CEP63: variants seen among roughly 807,000 people sequenced by gnomAD.
CEP63 encodes centrosomal protein of 63 kDa.
A neutral mutation model predicts 89.1 loss-of-function variants in CEP63; 84 were observed. That is an observed-to-expected ratio of 0.94 (90% CI 0.79 to 1.13). The LOEUF (loss-of-function observed/expected upper bound fraction) is 1.13. Ranked by LOEUF, CEP63 falls within the 50% of genes most tolerant of loss-of-function variation. The pLI, the probability that CEP63 is intolerant of heterozygous loss-of-function variation, is 0.00. For synonymous variants in CEP63, 267 were observed against 272.5 expected (o/e 0.98, Z 0.20); for missense variants, 838 against 813.3 (o/e 1.03, Z -0.37).
Position 134,559,144 on chromosome 3 carries a change from A to T in CEP63, c.1674-6A>T. 6.2e-7 allele frequency: 1 copy of T among 1,613,826 alleles called. No individual in the cohort carries two copies. The highest frequency in any genetic ancestry group is 8.5e-7 in the Non-Finnish European group (1 of 1,179,918). On this transcript the variant is annotated splice_region_variant and splice_polypyrimidine_tract_variant and intron_variant, in intron 13 of 14. Coordinates refer to ENST00000675561, the MANE Select transcript of CEP63 (RefSeq NM_001353108.3). Reference sequence around the variant, plus strand: ...TATTTGTTTTGTTTTCTAATCTACCATCCAGGCCAACCCATGGCCAGCACA... The same window carrying T: ...TATTTGTTTTGTTTTCTAATCTACCTTCCAGGCCAACCCATGGCCAGCACA...
At chr3:134,694,854 C>T in the CEP63 span, among the ~76,000 whole-genome samples, 745 of 152,270 alleles carry the variant, frequency 4.9e-3, 4 homozygotes, top group African/African-American at 0.017. Flanking sequence ...GGTTTGGTTG[C>T]CACAGATAGA....
At chr3:134,698,419 T>C in the CEP63 span, among the ~76,000 whole-genome samples, 6 of 152,290 alleles carry the variant, frequency 3.9e-5, no homozygotes, top group Middle Eastern at 6.8e-3. Context: ...GGGGGCGGGA[T>C]GTGAGCAAAA....
the CEP63 span, among the ~76,000 whole-genome samples, chr3:134,773,625 A>G: frequency 1.3e-5 from 2 of 152,106 alleles, no homozygotes; most frequent in Non-Finnish European, 2.9e-5. Context: ...CATTTCTCCA[A>G]CCTCATGTCT....
chr3:134,607,054 G>T, the CEP63 span: 3 of 985,044 alleles, frequency 3.0e-6, no homozygotes, highest in African/African-American at 1.7e-5. Context: ...AAGGAATCTG[G>T]TGTTTATATT....
chr3:134,560,716 C>T (rs1041630203), intron 14 of CEP63, among the ~76,000 whole-genome samples: 2 of 152,002 alleles, frequency 1.3e-5, no homozygotes, highest in Non-Finnish European at 2.9e-5. Flanking sequence ...GGATTATGCT[C>T]TCTGTGTGGG....
chr3:134,640,622 G>A, the CEP63 span, among the ~76,000 whole-genome samples: 422 of 152,322 alleles, frequency 2.8e-3, 1 homozygote, highest in African/African-American at 9.8e-3. Context: ...GAATAAGAAA[G>A]TGGCACATGG....
the CEP63 span, among the ~76,000 whole-genome samples, chr3:134,751,000 C>T: frequency 6.6e-6 from 1 of 152,218 alleles, no homozygotes; most frequent in African/African-American, 2.4e-5. Flanking sequence ...CCACAACATT[C>T]CTGTTACTCC....
chr3:134,536,958 AT>A, intron 5 of CEP63, 196 bp from the exon 6 acceptor site: 1 of 578,592 alleles, frequency 1.7e-6, no homozygotes, highest in Non-Finnish European at 3.2e-6. Flanking sequence ...AAAGACAGAT[AT>A]CCAGAGGCAC....
chr3:134,675,594 T>C, the CEP63 span, among the ~76,000 whole-genome samples: 140,025 of 152,264 alleles, frequency 0.92, 64,441 homozygotes, highest in East Asian at 1. Flanking sequence ...AGTGAAAAGT[T>C]CACTCACAGA....
At chr3:134,581,970 C>T (rs145027010) in intron 10 of CEP63, among the ~76,000 whole-genome samples, 1,669 of 151,920 alleles carry the variant, frequency 0.011, 17 homozygotes, top group Middle Eastern at 0.034. Context: ...CCACCGCGCC[C>T]GGCCGAAAAC....
chr3:134,740,701 G>A, the CEP63 span, among the ~76,000 whole-genome samples: 1 of 152,106 alleles, frequency 6.6e-6, no homozygotes. Context: ...TGATCCCCAA[G>A]CTGTTCCTTA....
Position 134,561,696 on chromosome 3 carries a change from A to G in CEP63, c.*161A>G, listed in dbSNP as rs111683110. The G allele has an allele frequency of 6.4e-4, 923 of 1,449,798 alleles. 3 individuals carry two copies. In the African/African-American group the frequency reaches 0.012, roughly 19 times the overall value. The allele number at this position is 1,449,798 out of a possible 1,614,324, so 89.8% of individuals were successfully genotyped here. A position where few individuals can be genotyped will look rare whatever the true frequency, so the allele number is the denominator to read the frequency against. On this transcript the variant is annotated 3_prime_UTR_variant, in exon 15 of 15. Transcript: ENST00000675561. The stretch of plus-strand genomic sequence containing the variant: ...TGAAAAACTGATACTTTTGATAGGC[A>G]TTTTCTCTGCACTGGTTTGTTTAAA...
the CEP63 span, chr3:134,647,606 G>A: frequency 1.6e-6 from 1 of 639,598 alleles, no homozygotes; most frequent in Non-Finnish European, 2.8e-6. Flanking sequence ...TGGCTCTCTT[G>A]GAATCTGAGA....
chr3:134,647,494 A>G, the CEP63 span: 3 of 1,606,130 alleles, frequency 1.9e-6, no homozygotes, highest in East Asian at 4.5e-5. Context: ...AACACCTTGG[A>G]ATCCTGCAAA....
chr3:134,571,403 C>T (rs771246516), intron 11 of CEP63, among the ~76,000 whole-genome samples: 18 of 152,160 alleles, frequency 1.2e-4, no homozygotes, highest in African/African-American at 2.9e-4. Flanking sequence ...ATACAAAGGC[C>T]GGGTGTGGTG....
chr3:134,751,060 A>G, the CEP63 span, among the ~76,000 whole-genome samples: 4 of 152,262 alleles, frequency 2.6e-5, no homozygotes, highest in African/African-American at 9.6e-5. Context: ...TGCCTATTTC[A>G]TATAACTGGA....
At position 134,561,869 on chromosome 3, in the gene CEP63, A is replaced by G. The variant is rs1411021279; in HGVS notation, c.*334A>G. On this transcript the variant is annotated 3_prime_UTR_variant, in exon 15 of 15. Coordinates refer to ENST00000675561, the MANE Select transcript of CEP63 (RefSeq NM_001353108.3). ...AATTGAAATAAGGATTTTATGATAC[A>G]TGTTGAAAATAAAGTAACTGCAGGA... 11 of 1,068,178 alleles carry G rather than the reference A, an allele frequency of 1.0e-5. No homozygotes were observed. In the South Asian group the frequency reaches 3.2e-4, roughly 31 times the overall value. The allele number at this position is 1,068,178 out of a possible 1,614,324, so 66.2% of individuals were successfully genotyped here. A position where few individuals can be genotyped will look rare whatever the true frequency, so the allele number is the denominator to read the frequency against.
chr3:134,613,697 G>C, the CEP63 span, among the ~76,000 whole-genome samples: 1 of 152,260 alleles, frequency 6.6e-6, no homozygotes, highest in African/African-American at 2.4e-5. Flanking sequence ...TGCCATGCTT[G>C]ACTCTGATAT....
the CEP63 span, among the ~76,000 whole-genome samples, chr3:134,625,487 C>T: frequency 1.5e-3 from 235 of 152,324 alleles, no homozygotes; most frequent in African/African-American, 5.3e-3. Flanking sequence ...TTTGGTTTTC[C>T]GTGGATTCCC....
Sources: gnomAD v4.1 joint callset for allele counts (sites outside exome capture counted in the v4.1 genomes callset) on GRCh38, gnomAD v4.1.1 for gene constraint, MANE v1.5 for transcripts, NCBI Gene and HGNC (gene_info 2026-07-23, HGNC 2026-07-21) for gene names.